The following FAT3 variants were observed in gnomAD, a reference collection of about 807,000 sequenced individuals.
FAT3 encodes FAT atypical cadherin 3.
In FAT3, 95 loss-of-function variants were observed where a neutral mutation model predicts 310.2. The ratio of observed to expected loss-of-function variants is 0.31; its 90% CI spans 0.26 to 0.36. The LOEUF is 0.36. Among genes scored for constraint, FAT3 ranks in the 10% least tolerant of loss-of-function variants. The probability of loss-of-function intolerance (pLI) is 1.00; values close to 1 mark genes in which losing one functional copy is unlikely to be tolerated. For synonymous variants in FAT3, 2,314 were observed against 2,192.9 expected, an observed-to-expected ratio of 1.06 and a Z score of -1.54; for missense variants, 5,408 against 5,715.6, an observed-to-expected ratio of 0.95 and a Z score of 1.74.
chr11:92,803,818 C>T (rs1379361130), intron 10 of FAT3, among the ~76,000 whole-genome samples: 2 of 152,210 alleles, frequency 1.3e-5, no homozygotes, highest in Admixed American at 6.5e-5. Flanking sequence ...AGTTGAGAAC[C>T]ACTGCCCCAG....
chr11:92,386,411 G>C (rs965549174), intron 2 of FAT3, among the ~76,000 whole-genome samples: 2 of 152,136 alleles, frequency 1.3e-5, no homozygotes, highest in Non-Finnish European at 1.5e-5. Context: ...AACGATTGTT[G>C]AAAAAGACAT....
Position 92,891,585 on chromosome 11 carries a change from A to C in FAT3, c.*472A>C, listed in dbSNP as rs1949919335. The C allele has an allele frequency of 6.0e-6, 1 of 165,514 alleles. No individual in the cohort carries two copies. Among genetic ancestry groups the C allele is most frequent in the African/African-American group, 2.4e-5 (1 of 41,792 alleles). The allele number at this position is 165,514 out of a possible 1,614,324, so 10.3% of individuals were successfully genotyped here. Reference sequence around the variant, plus strand: ...AAGTTAGTCTCTTAGGCGAAAGAGAAGAGAAACAAATATTATTAAACAAAC... The same window carrying C: ...AAGTTAGTCTCTTAGGCGAAAGAGACGAGAAACAAATATTATTAAACAAAC... On this transcript the variant is annotated 3_prime_UTR_variant, in exon 28 of 28. Coordinates refer to ENST00000525166, the MANE Select transcript of FAT3 (RefSeq NM_001367949.2).
At chr11:92,483,903 T>G (rs906052060) in intron 2 of FAT3, among the ~76,000 whole-genome samples, 9 of 152,338 alleles carry the variant, frequency 5.9e-5, no homozygotes, top group African/African-American at 2.2e-4. Flanking sequence ...CTGGTAGAAC[T>G]CAAGTTGCAA....
At chr11:92,357,977 T>C (rs1948778344) in intron 2 of FAT3, among the ~76,000 whole-genome samples, 1 of 149,336 alleles carries the variant, frequency 6.7e-6, no homozygotes. Flanking sequence ...CAGACTAGCT[T>C]GGTCAGTATG....
intron 2 of FAT3, among the ~76,000 whole-genome samples, chr11:92,520,362 G>T (rs1046386700): frequency 6.6e-6 from 1 of 152,100 alleles, no homozygotes; most frequent in Non-Finnish European, 1.5e-5. Flanking sequence ...GATTGAAAAT[G>T]AGAAAGAGGC....
intron 17 of FAT3, among the ~76,000 whole-genome samples, chr11:92,839,866 G>A (rs532896619): frequency 6.6e-6 from 1 of 152,194 alleles, no homozygotes; most frequent in Non-Finnish European, 1.5e-5. Context: ...GGGGAAAAAA[G>A]CAGAGAAGTT....
chr11:92,489,304 T>C (rs1952529726), intron 2 of FAT3, among the ~76,000 whole-genome samples: 1 of 152,182 alleles, frequency 6.6e-6, no homozygotes, highest in African/African-American at 2.4e-5. Flanking sequence ...ATTTGATGAA[T>C]GAATGAATAC....
At chr11:92,291,497 C>A (rs1946694557) in intron 1 of FAT3, among the ~76,000 whole-genome samples, 1 of 152,112 alleles carries the variant, frequency 6.6e-6, no homozygotes, top group South Asian at 2.1e-4. Context: ...GGGAGGAACA[C>A]TAGCTAGTTA....
intron 1 of FAT3, among the ~76,000 whole-genome samples, chr11:92,344,634 T>C (rs1948361356): frequency 6.6e-6 from 1 of 152,224 alleles, no homozygotes; most frequent in Non-Finnish European, 1.5e-5. Context: ...AGAGTGAATC[T>C]TCTATCCATG....
chr11:92,838,114 A>T (rs1304693055), intron 17 of FAT3, among the ~76,000 whole-genome samples: 2 of 152,188 alleles, frequency 1.3e-5, no homozygotes, highest in African/African-American at 4.8e-5. Flanking sequence ...AGGATCTGTG[A>T]GGTTAAGTAA....
At chr11:92,475,299 G>T (rs1415935894) in intron 2 of FAT3, among the ~76,000 whole-genome samples, 1 of 152,010 alleles carries the variant, frequency 6.6e-6, no homozygotes, top group Non-Finnish European at 1.5e-5. Flanking sequence ...CTTATCTCCT[G>T]GCAGAGAACT....
chr11:92,342,751 G>A (rs2134589847), intron 1 of FAT3, among the ~76,000 whole-genome samples: 1 of 152,174 alleles, frequency 6.6e-6, no homozygotes, highest in South Asian at 2.1e-4. Flanking sequence ...TCGTAAGCAT[G>A]AGAGAATACT....
intron 1 of FAT3, among the ~76,000 whole-genome samples, chr11:92,277,303 CACAG>C (rs1454934291): frequency 3.3e-5 from 5 of 152,024 alleles, no homozygotes; most frequent in Non-Finnish European, 7.4e-5. Context: ...AAATGGAAAT[CACAG>C]ACAATTAACT....
chr11:92,241,776 TAA>T (rs1192834967), intron 1 of FAT3, among the ~76,000 whole-genome samples: 2 of 152,084 alleles, frequency 1.3e-5, no homozygotes. Context: ...AATATGCTTG[TAA>T]AAGTAAAATT....
At chr11:92,839,338 G>A (rs7939598) in intron 17 of FAT3, among the ~76,000 whole-genome samples, 51,025 of 152,018 alleles carry the variant, frequency 0.34, 9,165 homozygotes, top group South Asian at 0.5. Flanking sequence ...TGCAGGAAGC[G>A]GCCTTTAGAG....
intron 2 of FAT3, among the ~76,000 whole-genome samples, chr11:92,388,961 A>G (rs1176962830): frequency 3.3e-5 from 5 of 152,006 alleles, no homozygotes; most frequent in Admixed American, 6.6e-5. Context: ...TTGGCTTTCT[A>G]TGGCAGTTTC....
intron 2 of FAT3, among the ~76,000 whole-genome samples, chr11:92,469,967 A>G (rs975890658): frequency 5.3e-5 from 8 of 152,242 alleles, no homozygotes; most frequent in African/African-American, 1.9e-4. Flanking sequence ...GGAACATATT[A>G]TCCAATCATG....
intron 3 of FAT3, among the ~76,000 whole-genome samples, chr11:92,641,234 C>T (rs1178501335): frequency 7.9e-5 from 12 of 152,066 alleles, no homozygotes; most frequent in Admixed American, 7.9e-4. Context: ...ACTATGCATT[C>T]TCTCTCAATA....
At chr11:92,574,901 T>A (rs1247983916) in intron 3 of FAT3, among the ~76,000 whole-genome samples, 9 of 152,148 alleles carry the variant, frequency 5.9e-5, no homozygotes, top group Non-Finnish European at 1.0e-4. Flanking sequence ...ATAAGCAAAC[T>A]GAGGCTTCCA....
Sources: gnomAD v4.1 joint callset for allele counts (sites outside exome capture counted in the v4.1 genomes callset) on GRCh38, gnomAD v4.1.1 for gene constraint, MANE v1.5 for transcripts, NCBI Gene and HGNC (gene_info 2026-07-23, HGNC 2026-07-21) for gene names.